Variants in SEPTIN7 observed in about 807,000 individuals in gnomAD.
The protein encoded by SEPTIN7 is septin 7, also known as septin-7.
In SEPTIN7, 10 loss-of-function variants were observed where a neutral mutation model predicts 63.3. The observed-to-expected ratio is 0.16, with a 90% CI of 0.10 to 0.27. SEPTIN7 has a LOEUF of 0.27. SEPTIN7 is among the 10% of genes least tolerant of loss of function. The pLI is 1.00. For missense variants in SEPTIN7, 310 were observed against 521.0 expected (o/e 0.59, Z 3.94); for synonymous variants, 131 against 165.3 (o/e 0.79, Z 1.59).
chr7:35,811,895 G>A (rs992276153), intron 1 of SEPTIN7, among the ~76,000 whole-genome samples: 20 of 152,122 alleles, frequency 1.3e-4, no homozygotes, highest in African/African-American at 4.3e-4. Context: ...AGTGGCAGGT[G>A]CCTATAATCC....
At chr7:35,901,344 T>A (rs181520354) in intron 12 of SEPTIN7, 115 of 152,324 alleles carry the variant, frequency 7.5e-4, no homozygotes, top group African/African-American at 2.7e-3. Flanking sequence ...TGGAAAAAAC[T>A]CTGAAAACTG....
intron 3 of SEPTIN7, among the ~76,000 whole-genome samples, chr7:35,863,168 ATCAT>A (rs758085393): frequency 1.3e-5 from 2 of 152,114 alleles, no homozygotes; most frequent in Non-Finnish European, 2.9e-5. Flanking sequence ...TCTTGTTTTG[ATCAT>A]TCATTATTGT....
chr7:35,912,851 A>C, the SEPTIN7 span, among the ~76,000 whole-genome samples: 2 of 152,252 alleles, frequency 1.3e-5, no homozygotes, highest in African/African-American at 4.8e-5. Context: ...TGTTGCAGAA[A>C]TTCATTGAAT....
chr7:35,869,853 G>C (rs1257040080), intron 4 of SEPTIN7, among the ~76,000 whole-genome samples: 1 of 152,158 alleles, frequency 6.6e-6, no homozygotes, highest in East Asian at 1.9e-4. Context: ...AAAAACAGTT[G>C]AAAATGCCCT....
chr7:35,871,848 C>G (rs1786170709), intron 4 of SEPTIN7, among the ~76,000 whole-genome samples: 1 of 152,110 alleles, frequency 6.6e-6, no homozygotes, highest in South Asian at 2.1e-4. Context: ...TTTGCTTTAT[C>G]TTGGGTTCCT....
intron 1 of SEPTIN7, among the ~76,000 whole-genome samples, chr7:35,827,890 A>G (rs1783600150): frequency 2.0e-5 from 3 of 152,208 alleles, no homozygotes; most frequent in African/African-American, 7.2e-5. Context: ...TTGGGATGAT[A>G]TGTTTTTAGC....
At chr7:35,873,049 G>A (rs1786252249) in intron 5 of SEPTIN7, among the ~76,000 whole-genome samples, 1 of 151,938 alleles carries the variant, frequency 6.6e-6, no homozygotes, top group Admixed American at 6.6e-5. Context: ...TCTCATTATT[G>A]TAAGAAATTT....
intron 1 of SEPTIN7, among the ~76,000 whole-genome samples, chr7:35,805,234 G>C (rs537932730): frequency 1.3e-5 from 2 of 152,282 alleles, no homozygotes; most frequent in South Asian, 4.1e-4. Context: ...CTATGAACTT[G>C]TGACTGCTAT....
At chr7:35,858,218 T>G (rs1429382422) in intron 3 of SEPTIN7, among the ~76,000 whole-genome samples, 2 of 152,192 alleles carry the variant, frequency 1.3e-5, no homozygotes, top group Non-Finnish European at 1.5e-5. Context: ...ATTCTGAGAT[T>G]ACAGGCATTA....
At chr7:35,913,401 C>CTCTTTCTTTCTTTCTTCCTT in the SEPTIN7 span, among the ~76,000 whole-genome samples, 1 of 151,610 alleles carries the variant, frequency 6.6e-6, no homozygotes, top group Non-Finnish European at 1.5e-5. Context: ...TTCTTTCTTT[C>CTCTTTCTTTCTTTCTTCCTT]TTTCTCTTTC....
Position 35,885,961 on chromosome 7 carries a change from T to C in SEPTIN7, c.872+82T>C. ...GGACAGATTTACTTTTTGCCTTCTA[T>C]AAATGTAGCTAATTTAAATTTATAT... On this transcript the variant is annotated intron_variant, in intron 10 of 13. Transcript: ENST00000350320. The C allele has an allele frequency of 3.5e-6, 3 of 858,296 alleles. No homozygotes were observed. The South Asian group carries it at 4.6e-5, about 13-fold the overall frequency. 53.2% of individuals were successfully genotyped at this position (858,296 alleles called of 1,614,324 possible).
chr7:35,860,830 TTTC>T (rs1785464297), intron 3 of SEPTIN7, among the ~76,000 whole-genome samples: 1 of 152,318 alleles, frequency 6.6e-6, no homozygotes, highest in South Asian at 2.1e-4. Flanking sequence ...GTTGTGAGTT[TTTC>T]TTATTTGGAG....
chr7:35,806,976 T>G (rs768767569), intron 1 of SEPTIN7, among the ~76,000 whole-genome samples: 2 of 152,214 alleles, frequency 1.3e-5, no homozygotes, highest in African/African-American at 4.8e-5. Context: ...AAATCAAAAC[T>G]ATTTTCCACC....
rs1264404807 is a variant in SEPTIN7 at position 35,904,983 on chromosome 7, T to C, written c.*690T>C. The C allele has an allele frequency of 6.6e-6, 1 of 152,646 alleles. No individual in the cohort carries two copies. The highest frequency in any genetic ancestry group is 6.5e-5 in the Admixed American group (1 of 15,280). 9.5% of individuals were successfully genotyped at this position (152,646 alleles called of 1,614,324 possible). Reference sequence around the variant, plus strand: ...ACATTTAATTTAGATATTTTCCATATATTGGCACTGCTAAAATAGAATATA... The same window carrying C: ...ACATTTAATTTAGATATTTTCCATACATTGGCACTGCTAAAATAGAATATA... On this transcript the variant is annotated 3_prime_UTR_variant, in exon 14 of 14. Transcript: ENST00000350320.
At position 35,902,849 on chromosome 7, in the gene SEPTIN7, T is replaced by A. The variant is rs1188924840; in HGVS notation, c.1135-227T>A. The A allele has an allele frequency of 1.6e-5, 8 of 491,406 alleles. No individual in the cohort carries two copies. In the East Asian group the frequency reaches 2.7e-4, roughly 17 times the overall value. 30.4% of individuals were successfully genotyped at this position (491,406 alleles called of 1,614,324 possible). A position where few individuals can be genotyped will look rare whatever the true frequency, so the allele number is the denominator to read the frequency against. ...ACTGTTAAGTTTGTTGCTTTTTTTT[T>A]TTTTCCTGTTTCCCAAGATTATTGT... On this transcript the variant is annotated intron_variant, in intron 12 of 13. Coordinates refer to ENST00000350320, the MANE Select transcript of SEPTIN7 (RefSeq NM_001788.6).
intron 1 of SEPTIN7, among the ~76,000 whole-genome samples, chr7:35,809,907 T>C (rs1788586337): frequency 6.6e-6 from 1 of 152,208 alleles, no homozygotes; most frequent in South Asian, 2.1e-4. Flanking sequence ...GACTAAAAAT[T>C]GGTCAGAAGC....
intron 1 of SEPTIN7, among the ~76,000 whole-genome samples, chr7:35,807,215 G>A (rs1023015946): frequency 2.7e-5 from 4 of 148,400 alleles, no homozygotes; most frequent in Non-Finnish European, 4.4e-5. Context: ...ACGGAGTTTC[G>A]CTCTTGTTGC....
At chr7:35,879,149 G>T (rs905265890) in intron 6 of SEPTIN7, among the ~76,000 whole-genome samples, 26 of 152,162 alleles carry the variant, frequency 1.7e-4, no homozygotes, top group African/African-American at 6.0e-4. Context: ...CAAACTGGAG[G>T]CAGCAGCCAG....
intron 11 of SEPTIN7, among the ~76,000 whole-genome samples, chr7:35,894,620 A>G (rs1367742937): frequency 1.3e-5 from 2 of 152,210 alleles, no homozygotes; most frequent in African/African-American, 4.8e-5. Context: ...CACATGGCAA[A>G]ACAAAATGTT....
Sources: allele counts gnomAD v4.1 joint callset (sites outside exome capture counted in the v4.1 genomes callset), GRCh38; gene constraint gnomAD v4.1.1; transcripts MANE v1.5; gene names NCBI Gene and HGNC (gene_info 2026-07-23, HGNC 2026-07-21).